The following CAST variants were observed in gnomAD, a reference collection of about 807,000 sequenced individuals.
The protein encoded by CAST is MIR583 host.
Under a neutral mutation model 119.6 loss-of-function variants are expected in CAST, and 76 were observed. The ratio of observed to expected loss-of-function variants is 0.64; its 90% CI spans 0.53 to 0.77. The LOEUF is 0.77. CAST is among the 30% of genes least tolerant of loss of function. The pLI is 0.00. For synonymous variants in CAST, 319 were observed against 331.6 expected, an observed-to-expected ratio of 0.96 and a Z score of 0.41; for missense variants, 953 against 946.5, an observed-to-expected ratio of 1.01 and a Z score of -0.09.
At chr5:96,451,095 A>G in the CAST span, among the ~76,000 whole-genome samples, 45 of 152,112 alleles carry the variant, frequency 3.0e-4, no homozygotes, top group African/African-American at 9.9e-4. Flanking sequence ...GCAGCACTTA[A>G]TTGCACCTAC....
chr5:96,155,333 C>T, the CAST span, among the ~76,000 whole-genome samples: 19 of 152,302 alleles, frequency 1.2e-4, no homozygotes, highest in African/African-American at 4.3e-4. Context: ...CCCCGCCCAT[C>T]ATGCATGGCT....
rs1032244295 is a variant in CAST at position 96,772,854 on chromosome 5, A to G, written c.*238A>G. 2.0e-5 allele frequency: 3 copies of G among 153,176 alleles called. No homozygotes were observed. The highest frequency in any genetic ancestry group is 7.2e-5 in the African/African-American group (3 of 41,418). 9.5% of individuals were successfully genotyped at this position (153,176 alleles called of 1,614,324 possible). A position where few individuals can be genotyped will look rare whatever the true frequency, so the allele number is the denominator to read the frequency against. ...TATTGATAAACTTTGAATTTTTTTA[A>G]TTGCCTTCAATTGGGAGAGAAAGCT... On this transcript the variant is annotated 3_prime_UTR_variant, in exon 32 of 32. Transcript: ENST00000675179.
chr5:96,161,416 G>A, the CAST span, among the ~76,000 whole-genome samples: 1 of 152,060 alleles, frequency 6.6e-6, no homozygotes, highest in East Asian at 1.9e-4. Flanking sequence ...AATGATCTTG[G>A]CACCTCTGTT....
chr5:96,094,925 T>C, the CAST span, among the ~76,000 whole-genome samples: 1 of 152,362 alleles, frequency 6.6e-6, no homozygotes, highest in South Asian at 2.1e-4. Flanking sequence ...CTTATAGTTA[T>C]TTAAATCATC....
chr5:96,229,950 G>A, the CAST span, among the ~76,000 whole-genome samples: 47 of 152,212 alleles, frequency 3.1e-4, no homozygotes, highest in African/African-American at 9.6e-4. Flanking sequence ...CCACCTGGAC[G>A]CAGACAGCTG....
chr5:96,044,386 A>C, the CAST span, among the ~76,000 whole-genome samples: 1 of 152,198 alleles, frequency 6.6e-6, no homozygotes, highest in South Asian at 2.1e-4. Context: ...CCACCATATA[A>C]AGACACAGCT....
chr5:96,748,814 A>G (rs1010245526), intron 19 of CAST: 5 of 471,136 alleles, frequency 1.1e-5, no homozygotes, highest in African/African-American at 4.0e-5. Flanking sequence ...AAGTCCTGCA[A>G]TGACTCCTTC....
At chr5:96,399,111 T>C in the CAST span, 17 of 1,084,006 alleles carry the variant, frequency 1.6e-5, no homozygotes, top group Non-Finnish European at 2.2e-5. Context: ...TCTGCATGCA[T>C]CAATCTTGAC....
rs367571543 is a variant in CAST at position 96,573,284 on chromosome 5, GTTTT to G, written c.60+43409_60+43412del. 1.4e-4 allele frequency among the ~76,000 whole-genome samples: 21 copies of G among 151,616 alleles called. No individual in the cohort carries two copies. The South Asian group carries it at 4.2e-3, about 30-fold the overall frequency. ...TTACCTTGAAATGTAATTTTTTCTT[GTTTT>G]TTTTGTTTTATTTTTTATGCTTTGT... On this transcript the variant is annotated intron_variant, in intron 1 of 11. Coordinates refer to the CAST transcript ENST00000505143.
At chr5:96,446,675 TC>T in the CAST span, among the ~76,000 whole-genome samples, 1 of 152,260 alleles carries the variant, frequency 6.6e-6, no homozygotes, top group African/African-American at 2.4e-5. Context: ...ATATTCAAGA[TC>T]CAGTTTCTTT....
At chr5:96,679,086 A>G (rs1751033423) in intron 2 of CAST, among the ~76,000 whole-genome samples, 1 of 150,912 alleles carries the variant, frequency 6.6e-6, no homozygotes. Flanking sequence ...CGCAGCTTTG[A>G]CCTCCCCCGC....
the CAST span, among the ~76,000 whole-genome samples, chr5:96,403,680 T>C: frequency 1.8e-4 from 28 of 152,338 alleles, no homozygotes; most frequent in Admixed American, 4.6e-4. Context: ...TTAGAAGAGA[T>C]GTAGGTAATG....
In CAST at chr5:96,747,296, A is replaced by T. The variant is rs1034353456; in HGVS notation, c.1285-49A>T. ...CAGAAACAAACTTGATGGGACATGA[A>T]AGCAAAATTTTCTATTTCATTTCCA... On this transcript the variant is annotated intron_variant, in intron 17 of 31. Transcript: ENST00000675179. 6 of 1,275,816 alleles carry T rather than the reference A, an allele frequency of 4.7e-6. No individual in the cohort carries two copies. In the African/African-American group the frequency reaches 8.8e-5, roughly 19 times the overall value. The allele number at this position is 1,275,816 out of a possible 1,614,324, so 79.0% of individuals were successfully genotyped here.
intron 2 of CAST, among the ~76,000 whole-genome samples, chr5:96,689,013 T>G (rs1194743326): frequency 1.6e-5 from 2 of 126,534 alleles, no homozygotes; most frequent in African/African-American, 7.3e-5. Context: ...TGTGTAGGGG[T>G]GGGGGCACAC....
At chr5:96,640,057 G>A (rs1201910789) in intron 1 of CAST, among the ~76,000 whole-genome samples, 10 of 152,158 alleles carry the variant, frequency 6.6e-5, no homozygotes, top group Admixed American at 6.5e-4. Context: ...TAGTAAAATA[G>A]GCAAAGGCTC....
chr5:96,771,628 T>C lies in CAST; in HGVS notation c.2341-16T>C. On this transcript the variant is annotated splice_polypyrimidine_tract_variant and intron_variant, in intron 30 of 31. Transcript: ENST00000675179. ...CAGAAAAGAAAGCTCACGGATGGTT[T>C]TGCTTTCCCTTTTAGACAACAGAGG... 6.2e-7 allele frequency: 1 copy of C among 1,608,884 alleles called. No individual in the cohort carries two copies. Among genetic ancestry groups the C allele is most frequent in the South Asian group, 1.1e-5 (1 of 90,740 alleles).
chr5:96,308,920 A>C, the CAST span: 1 of 152,524 alleles, frequency 6.6e-6, no homozygotes, highest in African/African-American at 2.4e-5. Context: ...TTTCCCAGTC[A>C]GGATACACGG....
chr5:96,013,574 C>T, the CAST span, among the ~76,000 whole-genome samples: 1 of 152,102 alleles, frequency 6.6e-6, no homozygotes, highest in East Asian at 1.9e-4. Flanking sequence ...GGGACACCTT[C>T]TGAGAGATGT....
At chr5:96,765,167 C>A in intron 25 of CAST, 54 bp from the exon 26 acceptor site, 3 of 1,009,258 alleles carry the variant, frequency 3.0e-6, no homozygotes, top group Non-Finnish European at 4.6e-6. Context: ...GGCTAATTTG[C>A]CTCTGATACA....
Sources: allele counts gnomAD v4.1 joint callset (sites outside exome capture counted in the v4.1 genomes callset), GRCh38; gene constraint gnomAD v4.1.1; transcripts MANE v1.5; gene names NCBI Gene and HGNC (gene_info 2026-07-23, HGNC 2026-07-21).